RAPGEF1: variants seen among roughly 807,000 people sequenced by gnomAD.
RAPGEF1 encodes Rap guanine nucleotide exchange factor 1.
In RAPGEF1, 33 loss-of-function variants were observed where a neutral mutation model predicts 143.3. That is an observed-to-expected ratio of 0.23 (90% CI 0.17 to 0.31). The LOEUF is 0.31. Ranked by LOEUF, RAPGEF1 falls within the 10% of genes least tolerant of loss-of-function variation. The pLI is 1.00. For synonymous variants in RAPGEF1, 629 were observed against 676.5 expected (o/e 0.93, Z 1.09); for missense variants, 1,199 against 1,645.4 (o/e 0.73, Z 4.69).
chr9:131,623,019 C>T (rs980271636), intron 10 of RAPGEF1, among the ~76,000 whole-genome samples: 2 of 152,154 alleles, frequency 1.3e-5, no homozygotes, highest in African/African-American at 2.4e-5. Context: ...CCACCTGGCT[C>T]GTCCTCCCAA....
Position 131,583,445 on chromosome 9 carries a change from T to A in RAPGEF1, c.3415-743A>T, listed in dbSNP as rs1273750962. 6.6e-6 allele frequency among the ~76,000 whole-genome samples: 1 copy of A among 151,806 alleles called. No homozygotes were observed. Among genetic ancestry groups the A allele is most frequent in the African/African-American group, 2.4e-5 (1 of 41,290 alleles). The stretch of plus-strand genomic sequence containing the variant: ...TGACATGACCCCTGGGTGGCCTGGG[T>A]CACACTCGGGTTCCTGACACGACCC... On this transcript the variant is annotated intron_variant, in intron 24 of 26. Transcript: ENST00000683357. The surrounding 1 kb of genome is among the most constrained non-coding windows in gnomAD (Gnocchi z 4.7).
intron 17 of RAPGEF1, 33 bp from the exon 18 acceptor site, chr9:131,592,216 T>C (rs978781669): frequency 1.3e-6 from 2 of 1,543,298 alleles, no homozygotes; most frequent in Non-Finnish European, 1.8e-6. Context: ...ACTGCTTGTC[T>C]GGGTGCAGAG....
intron 1 of RAPGEF1, among the ~76,000 whole-genome samples, chr9:131,734,390 A>G (rs1478110277): frequency 6.6e-6 from 1 of 152,194 alleles, no homozygotes; most frequent in African/African-American, 2.4e-5. Flanking sequence ...TCTGAAAACC[A>G]CAGGAAATTG....
At chr9:131,712,152 T>G (rs1292059826) in intron 1 of RAPGEF1, among the ~76,000 whole-genome samples, 1 of 152,114 alleles carries the variant, frequency 6.6e-6, no homozygotes, top group Admixed American at 6.6e-5. Context: ...GGCTCCCTGT[T>G]TCCCTCACAG....
chr9:131,679,842 G>T (rs1030850230), intron 1 of RAPGEF1, among the ~76,000 whole-genome samples: 9 of 152,190 alleles, frequency 5.9e-5, no homozygotes, highest in Non-Finnish European at 1.0e-4. Flanking sequence ...TGCCACAGGG[G>T]CCTCTTCCTC....
intron 1 of RAPGEF1, among the ~76,000 whole-genome samples, chr9:131,687,357 A>G (rs745954188): frequency 1.7e-4 from 26 of 150,710 alleles, no homozygotes; most frequent in Non-Finnish European, 3.1e-4. Flanking sequence ...CCCCTGGATA[A>G]TTTTTTTTTG....
In RAPGEF1 at chr9:131,667,895, G is replaced by A. The variant is rs865924856; in HGVS notation, c.62-16946C>T. ...TGTCATACAGTACTGCACATACAGT[G>A]AGTCACTAAGCCCAGTCCTGGCACT... On this transcript the variant is annotated intron_variant, in intron 1 of 26. Transcript: ENST00000683357. This position sits in a 1 kb window ranked among gnomAD's most constrained non-coding sequence, Gnocchi z 4.6. 1.4e-4 allele frequency among the ~76,000 whole-genome samples: 22 copies of A among 152,266 alleles called. No individual in the cohort carries two copies. The highest frequency in any genetic ancestry group is 5.1e-4 in the African/African-American group (21 of 41,542).
At chr9:131,586,668 A>T (rs4740288) in intron 22 of RAPGEF1, among the ~76,000 whole-genome samples, 1 of 82,322 alleles carries the variant, frequency 1.2e-5, no homozygotes, top group Non-Finnish European at 2.3e-5. Context: ...ACACACACAC[A>T]CCCCTGCAGA....
At chr9:131,615,520 G>A (rs2132718736) in intron 12 of RAPGEF1, among the ~76,000 whole-genome samples, 1 of 152,338 alleles carries the variant, frequency 6.6e-6, no homozygotes, top group South Asian at 2.1e-4. Context: ...CTCGTGGGAG[G>A]TGCTGGTGAG....
At chr9:131,701,223 G>A (rs1377384793) in intron 1 of RAPGEF1, among the ~76,000 whole-genome samples, 2 of 152,150 alleles carry the variant, frequency 1.3e-5, no homozygotes, top group Admixed American at 6.5e-5. Context: ...TTTTACGCAC[G>A]TTCCCAGGGT....
At chr9:131,602,007 A>C in intron 15 of RAPGEF1, 54 bp downstream of exon 15, 1 of 1,389,964 alleles carries the variant, frequency 7.2e-7, no homozygotes, top group African/African-American at 1.4e-5. Flanking sequence ...GGCAGGCCTC[A>C]TGAGTGGGCG....
At chr9:131,737,403 A>G in intron 1 of RAPGEF1, 1 of 1,613,198 alleles carries the variant, frequency 6.2e-7, no homozygotes. Context: ...CCCCTCTCTC[A>G]CCTGTGTCCA....
At chr9:131,604,405 T>C (rs559101464) in intron 13 of RAPGEF1, among the ~76,000 whole-genome samples, 1 of 152,326 alleles carries the variant, frequency 6.6e-6, no homozygotes, top group Admixed American at 6.5e-5. Context: ...CCCCATGTAC[T>C]TGTCTGCTCC....
rs7018561 is a variant in RAPGEF1 at position 131,641,893 on chromosome 9, A to C, written c.494+1346T>G. Reference sequence around the variant, plus strand: ...AGCCCCAGGGCAGAGAGTTTCTTGTAAATAAAGACACTATTTGCTTTATCC... The same window carrying C: ...AGCCCCAGGGCAGAGAGTTTCTTGTCAATAAAGACACTATTTGCTTTATCC... On this transcript the variant is annotated intron_variant, in intron 4 of 26. Transcript: ENST00000683357. The surrounding 1 kb of genome is among the most constrained non-coding windows in gnomAD (Gnocchi z 4.6). 0.039 allele frequency among the ~76,000 whole-genome samples: 5,980 copies of C among 152,346 alleles called. 241 individuals carry two copies. Among genetic ancestry groups the C allele is most frequent in the East Asian group, 0.09 (465 of 5,188 alleles).
At chr9:131,642,521 A>G (rs1387131244) in intron 4 of RAPGEF1, among the ~76,000 whole-genome samples, 1 of 152,202 alleles carries the variant, frequency 6.6e-6, no homozygotes, top group Non-Finnish European at 1.5e-5. Context: ...CCTCTTAGTC[A>G]AAGGCTGCGC....
intron 3 of RAPGEF1, 22 bp from the exon 4 acceptor site, chr9:131,643,439 A>G (rs1335444993): frequency 1.9e-6 from 3 of 1,603,262 alleles, no homozygotes; most frequent in Middle Eastern, 1.7e-4. Context: ...CGTTAGGCAT[A>G]AGGAGGAGGA....
chr9:131,721,388 C>T (rs564725024), intron 1 of RAPGEF1, among the ~76,000 whole-genome samples: 4 of 152,152 alleles, frequency 2.6e-5, no homozygotes, highest in African/African-American at 7.2e-5. Context: ...CTCTGGTGTC[C>T]GGATATCTAA....
intron 1 of RAPGEF1, among the ~76,000 whole-genome samples, chr9:131,702,327 G>A (rs1442616404): frequency 3.3e-5 from 5 of 152,164 alleles, no homozygotes; most frequent in Admixed American, 2.0e-4. Flanking sequence ...AATTGGGTAC[G>A]CTTAAATAAA....
intron 1 of RAPGEF1, among the ~76,000 whole-genome samples, chr9:131,689,608 G>A (rs571300990): frequency 2.6e-5 from 4 of 151,776 alleles, no homozygotes; most frequent in South Asian, 4.2e-4. Flanking sequence ...CTGTGACCTC[G>A]GCCCACTGCA....
Sources: allele counts gnomAD v4.1 joint callset (sites outside exome capture counted in the v4.1 genomes callset), GRCh38; gene constraint gnomAD v4.1.1; non-coding constraint Gnocchi (gnomAD v3.1); transcripts MANE v1.5; gene names NCBI Gene and HGNC (gene_info 2026-07-23, HGNC 2026-07-21).